Variants in NUDT4 observed in about 807,000 individuals in gnomAD.
NUDT4 encodes diphosphoinositol polyphosphate phosphohydrolase 2.
In NUDT4, 5 loss-of-function variants were observed where a neutral mutation model predicts 23.1. The ratio of observed to expected loss-of-function variants is 0.22; its 90% CI spans 0.11 to 0.46. The LOEUF (loss-of-function observed/expected upper bound fraction) is 0.46, where lower values mean the gene tolerates loss of function less well. NUDT4 is among the 20% of genes least tolerant of loss of function. The pLI is 0.99. For missense variants in NUDT4, 96 were observed against 211.6 expected, an observed-to-expected ratio of 0.45 and a Z score of 3.39; for synonymous variants, 50 against 79.0, an observed-to-expected ratio of 0.63 and a Z score of 1.95.
At chr12:93,380,084 T>C (rs1364893906) in intron 1 of NUDT4, among the ~76,000 whole-genome samples, 1 of 152,148 alleles carries the variant, frequency 6.6e-6, no homozygotes, top group Non-Finnish European at 1.5e-5. Context: ...AATGACACAA[T>C]TAGGAAGTGG....
At chr12:93,389,586 TG>T (rs1308232701) in intron 1 of NUDT4, among the ~76,000 whole-genome samples, 1 of 152,102 alleles carries the variant, frequency 6.6e-6, no homozygotes, top group Non-Finnish European at 1.5e-5. Flanking sequence ...GCTGATGTCT[TG>T]TAGATGCAGG....
chr12:93,398,690 A>G, intron 3 of NUDT4, 81 bp from the exon 4 acceptor site: 1 of 879,052 alleles, frequency 1.1e-6, no homozygotes, highest in East Asian at 2.4e-5. Flanking sequence ...GCAGTATGCC[A>G]GACTAATTTT....
At position 93,406,050 on chromosome 12, in the gene NUDT4, G is replaced by A. The variant is rs769415405; in HGVS notation, c.*6671G>A. On this transcript the variant is annotated 3_prime_UTR_variant, in exon 5 of 5. Transcript: ENST00000415493. ...TGGGAGGCCGAGGCGGGCAGATCAC[G>A]AGGTCAGGAGATGGAGACCATCCTG... 4 of 151,866 alleles carry A rather than the reference G, an allele frequency of 2.6e-5. No homozygotes were observed. The highest frequency in any genetic ancestry group is 2.9e-5 in the Non-Finnish European group (2 of 67,990). The allele number at this position is 151,866 out of a possible 1,614,324, so 9.4% of individuals were successfully genotyped here.
chr12:93,386,163 G>C (rs1210133062), intron 1 of NUDT4, among the ~76,000 whole-genome samples: 4 of 151,674 alleles, frequency 2.6e-5, no homozygotes, highest in Non-Finnish European at 5.9e-5. Context: ...TTTTTGTAGA[G>C]ACAGGGTCTT....
At position 93,377,954 on chromosome 12, in the gene NUDT4, G is replaced by T. The variant is rs971166261; in HGVS notation, c.-369G>T. 3.6e-6 allele frequency: 1 copy of T among 274,996 alleles called. No homozygotes were observed. The highest frequency in any genetic ancestry group is 2.3e-5 in the African/African-American group (1 of 43,220). 17.0% of individuals were successfully genotyped at this position (274,996 alleles called of 1,614,324 possible). The stretch of plus-strand genomic sequence containing the variant: ...GCCGCGGTGCTGCTGCTCAGTGGGA[G>T]CGGGTCTTCGCAACTGTCTCCGCGT... On this transcript the variant is annotated 5_prime_UTR_variant, in exon 1 of 5. Coordinates refer to ENST00000415493, the MANE Select transcript of NUDT4 (RefSeq NM_019094.6).
rs916069537 is a variant in NUDT4, at chr12:93,406,477, A to T, written c.*7098A>T. The T allele has an allele frequency of 3.9e-5, 6 of 152,058 alleles. No individual in the cohort carries two copies. Among genetic ancestry groups the T allele is most frequent in the Non-Finnish European group, 8.8e-5 (6 of 67,998 alleles). The allele number at this position is 152,058 out of a possible 1,614,324, so 9.4% of individuals were successfully genotyped here. On this transcript the variant is annotated 3_prime_UTR_variant, in exon 5 of 5. Transcript: ENST00000415493. Reference sequence around the variant, plus strand: ...ACTTTTATCTGTTGGTTTGTATTTAATCTTATTTTTAAGTGCTTCTTTGAA... The same window carrying T: ...ACTTTTATCTGTTGGTTTGTATTTATTCTTATTTTTAAGTGCTTCTTTGAA...
chr12:93,397,804 C>T (rs72620741), intron 3 of NUDT4, among the ~76,000 whole-genome samples: 18,385 of 152,044 alleles, frequency 0.12, 1,493 homozygotes, highest in East Asian at 0.43. Flanking sequence ...GGATTACAGA[C>T]GTGAGCTTCT....
chr12:93,389,028 T>C (rs1369099082), intron 1 of NUDT4, among the ~76,000 whole-genome samples: 1 of 152,194 alleles, frequency 6.6e-6, no homozygotes, highest in Non-Finnish European at 1.5e-5. Flanking sequence ...TTTAGATGAG[T>C]AGACAAGTGC....
At chr12:93,385,390 A>G (rs1402491651) in intron 1 of NUDT4, among the ~76,000 whole-genome samples, 2 of 152,204 alleles carry the variant, frequency 1.3e-5, no homozygotes, top group African/African-American at 4.8e-5. Context: ...TAAATCTTTC[A>G]TATAGTCACA....
chr12:93,405,173 C>A lies in NUDT4; in HGVS notation c.*5794C>A, dbSNP rs1042692149. 6.6e-5 allele frequency: 10 copies of A among 152,164 alleles called. No homozygotes were observed. Among genetic ancestry groups the A allele is most frequent in the African/African-American group, 2.2e-4 (9 of 41,426 alleles). The allele number at this position is 152,164 out of a possible 1,614,324, so 9.4% of individuals were successfully genotyped here. A position where few individuals can be genotyped will look rare whatever the true frequency, so the allele number is the denominator to read the frequency against. ...CAATCAGCCTATCACATCTAAGCTGCTTTTGCCAGATCTGATATCTACTCC... is the reference window on the plus strand; with the variant it reads ...CAATCAGCCTATCACATCTAAGCTGATTTTGCCAGATCTGATATCTACTCC... On this transcript the variant is annotated 3_prime_UTR_variant, in exon 5 of 5. Coordinates refer to ENST00000415493, the MANE Select transcript of NUDT4 (RefSeq NM_019094.6).
rs1372533036 is a variant in NUDT4, at chr12:93,407,318, C to G, written c.*7939C>G. On this transcript the variant is annotated 3_prime_UTR_variant, in exon 5 of 5. Coordinates refer to ENST00000415493, the MANE Select transcript of NUDT4 (RefSeq NM_019094.6). ...GACAGAGTTACAACTATTTGTCTGT[C>G]CCCCTTCCCCATTAGAGTATATGGT... The G allele has an allele frequency of 1.3e-5, 2 of 152,398 alleles. No homozygotes were observed. Among genetic ancestry groups the G allele is most frequent in the East Asian group, 3.9e-4 (2 of 5,188 alleles). 9.4% of individuals were successfully genotyped at this position (152,398 alleles called of 1,614,324 possible).
intron 1 of NUDT4, among the ~76,000 whole-genome samples, chr12:93,394,094 C>G (rs1041340398): frequency 6.6e-6 from 1 of 152,018 alleles, no homozygotes; most frequent in Non-Finnish European, 1.5e-5. Context: ...CCTCCACCTC[C>G]TGGGTTCAAG....
chr12:93,393,511 T>C (rs1876711141), intron 1 of NUDT4, among the ~76,000 whole-genome samples: 1 of 152,200 alleles, frequency 6.6e-6, no homozygotes, highest in Non-Finnish European at 1.5e-5. Context: ...TCACAACTGC[T>C]TTGACTCTGC....
At chr12:93,388,961 A>C (rs940457488) in intron 1 of NUDT4, among the ~76,000 whole-genome samples, 2 of 152,182 alleles carry the variant, frequency 1.3e-5, no homozygotes, top group African/African-American at 4.8e-5. Context: ...GACAGACTGG[A>C]ATTAATTGGC....
At chr12:93,378,736 T>A in intron 1 of NUDT4, 1 of 1,066,750 alleles carries the variant, frequency 9.4e-7, no homozygotes, top group Non-Finnish European at 1.1e-6. Flanking sequence ...ACGTGCGAAT[T>A]GAGTTGAAAG....
At chr12:93,378,500 C>T (rs889263929) in intron 1 of NUDT4, 79 bp downstream of exon 1, 22 of 1,375,638 alleles carry the variant, frequency 1.6e-5, no homozygotes, top group African/African-American at 3.0e-5. Context: ...CTCCCCGCCC[C>T]TGCGCAGGCT....
chr12:93,404,717 A>T lies in NUDT4; in HGVS notation c.*5338A>T, dbSNP rs1877705129. On this transcript the variant is annotated 3_prime_UTR_variant, in exon 5 of 5. Coordinates refer to ENST00000415493, the MANE Select transcript of NUDT4 (RefSeq NM_019094.6). ...CTGTTTTATGCATGTATTGGCATAC[A>T]CTGAAAAAGCTTAGTCACTTAAAAT... 6.6e-6 allele frequency: 1 copy of T among 152,216 alleles called. No homozygotes were observed. Among genetic ancestry groups the T allele is most frequent in the Non-Finnish European group, 1.5e-5 (1 of 68,044 alleles). 9.4% of individuals were successfully genotyped at this position (152,216 alleles called of 1,614,324 possible). A position where few individuals can be genotyped will look rare whatever the true frequency, so the allele number is the denominator to read the frequency against.
At position 93,394,677 on chromosome 12, in the gene NUDT4, G is replaced by A. The variant is rs1176151870; in HGVS notation, c.168G>A (p.Glu56=). The A allele has an allele frequency of 6.4e-7, 1 of 1,555,584 alleles. No individual in the cohort carries two copies. The highest frequency in any genetic ancestry group is 1.4e-5 in the African/African-American group (1 of 73,200). ...WIVPGGGMEP[E]EEPGGAAVRE... ...TCCCAGGAGGAGGAATGGAACCCGA[G>A]GAGGAACCTGGCGGTGCTGCCGTGA... Residue 56 remains glutamate (E), a synonymous_variant, in exon 2 of 5, where the codon GAG becomes GAA. Coordinates refer to ENST00000415493, the MANE Select transcript of NUDT4 (RefSeq NM_019094.6).
intron 1 of NUDT4, among the ~76,000 whole-genome samples, chr12:93,390,034 C>T (rs1876375992): frequency 6.6e-6 from 1 of 152,090 alleles, no homozygotes; most frequent in South Asian, 2.1e-4. Flanking sequence ...TAGTCAATGA[C>T]CTAGATACAT....
Sources: allele counts gnomAD v4.1 joint callset (sites outside exome capture counted in the v4.1 genomes callset), GRCh38; gene constraint gnomAD v4.1.1; transcripts MANE v1.5; gene names NCBI Gene and HGNC (gene_info 2026-07-23, HGNC 2026-07-21).